The following CYP19A1 variants were observed in gnomAD, a reference collection of about 807,000 sequenced individuals.
CYP19A1 encodes the protein cytochrome P450 family 19 subfamily A member 1, also known as aromatase.
In CYP19A1, 32 loss-of-function variants were observed where a neutral mutation model predicts 44.4. That is an observed-to-expected ratio of 0.72 (90% CI 0.54 to 0.97). CYP19A1 has a LOEUF of 0.97. CYP19A1 is among the 50% of genes least tolerant of loss of function. The probability of loss-of-function intolerance (pLI) is 0.00; values close to 1 mark genes in which losing one functional copy is unlikely to be tolerated. For missense variants in CYP19A1, 598 were observed against 637.8 expected (o/e 0.94, Z 0.67); for synonymous variants, 212 against 215.6 (o/e 0.98, Z 0.14).
intron 1 of CYP19A1, among the ~76,000 whole-genome samples, chr15:51,337,406 G>A (rs1255200428): frequency 1.3e-5 from 2 of 152,196 alleles, no homozygotes; most frequent in African/African-American, 4.8e-5. Context: ...TTATACAAGT[G>A]CTTTACAAGT....
chr15:51,275,882 G>A (rs768768047), intron 1 of CYP19A1, among the ~76,000 whole-genome samples: 1 of 152,134 alleles, frequency 6.6e-6, no homozygotes, highest in Non-Finnish European at 1.5e-5. Flanking sequence ...CCTACAGCAG[G>A]ACTGCTTGAC....
Position 51,274,963 on chromosome 15 carries a change from C to T in CYP19A1, c.-38-32013G>A, listed in dbSNP as rs533446995. Among the ~76,000 whole-genome samples, 22 of 152,230 alleles carry T rather than the reference C, an allele frequency of 1.4e-4. No homozygotes were observed. In the South Asian group the frequency reaches 3.3e-3, roughly 23 times the overall value. ...CATCTCACCCCCACTCTCAGGCCTG[C>T]CCCAGCCACACCTGGGCTCTCCCTC... On this transcript the variant is annotated intron_variant, in intron 1 of 9. Transcript: ENST00000396402.
At chr15:51,297,184 C>T (rs1049894459) in intron 1 of CYP19A1, among the ~76,000 whole-genome samples, 1 of 152,120 alleles carries the variant, frequency 6.6e-6, no homozygotes, top group Non-Finnish European at 1.5e-5. Flanking sequence ...TTTATCTTGC[C>T]CACATTATTC....
intron 9 of CYP19A1, among the ~76,000 whole-genome samples, 172 bp from the exon 10 acceptor site, chr15:51,211,228 T>G (rs1410393651): frequency 2.6e-4 from 39 of 152,218 alleles, no homozygotes; most frequent in Admixed American, 2.6e-3. Context: ...TTCTATGTCC[T>G]ATTTCATTCA....
chr15:51,243,096 T>A (rs1239453088), intron 1 of CYP19A1, 146 bp from the exon 2 acceptor site: 1 of 649,300 alleles, frequency 1.5e-6, no homozygotes, highest in Non-Finnish European at 2.8e-6. Flanking sequence ...TAATTTATGG[T>A]TACAAGTCAA....
chr15:51,292,944 T>C (rs1410698852), intron 1 of CYP19A1, among the ~76,000 whole-genome samples: 1 of 151,770 alleles, frequency 6.6e-6, no homozygotes, highest in Non-Finnish European at 1.5e-5. Context: ...TGGGAGAATA[T>C]GGATTGAGTG....
intron 1 of CYP19A1, among the ~76,000 whole-genome samples, chr15:51,330,985 C>T (rs1158581303): frequency 6.6e-6 from 1 of 151,994 alleles, no homozygotes; most frequent in African/African-American, 2.4e-5. Flanking sequence ...GATGAGGAAG[C>T]GCAGATGAGG....
chr15:51,294,515 G>A (rs1180537518), intron 1 of CYP19A1, among the ~76,000 whole-genome samples: 2 of 149,952 alleles, frequency 1.3e-5, no homozygotes, highest in Admixed American at 6.6e-5. Flanking sequence ...CCCTCCGCCC[G>A]GCAGCCGCCC....
chr15:51,234,138 G>T (rs919050006), intron 3 of CYP19A1, among the ~76,000 whole-genome samples: 3 of 152,146 alleles, frequency 2.0e-5, no homozygotes, highest in Non-Finnish European at 4.4e-5. Flanking sequence ...GGTCCAATGG[G>T]GTCTTTTCAA....
chr15:51,302,435 G>C (rs1396597204), intron 1 of CYP19A1, among the ~76,000 whole-genome samples: 2 of 152,210 alleles, frequency 1.3e-5, no homozygotes, highest in African/African-American at 2.4e-5. Flanking sequence ...CCCTCAGAGG[G>C]CCCTTGTCAA....
At chr15:51,277,535 C>T (rs951668667) in intron 1 of CYP19A1, 10 of 152,208 alleles carry the variant, frequency 6.6e-5, no homozygotes, top group Non-Finnish European at 1.5e-4. Flanking sequence ...CTGGAATTGA[C>T]ATTGGATTAA....
chr15:51,286,637 A>G (rs2035707793), intron 1 of CYP19A1, among the ~76,000 whole-genome samples: 1 of 152,206 alleles, frequency 6.6e-6, no homozygotes, highest in African/African-American at 2.4e-5. Context: ...AGAAAAACGA[A>G]GACCCTTCCA....
chr15:51,236,970 T>C lies in CYP19A1; in HGVS notation c.185A>G (p.His62Arg), dbSNP rs779863386. 1.2e-6 allele frequency: 2 copies of C among 1,614,042 alleles called. No homozygotes were observed. The highest frequency in any genetic ancestry group is 1.3e-5 in the African/African-American group (1 of 74,916). ...GATCCCCATCCACAGGAATCTGCCG[T>C]GGGAGATGAGGGGTCCAATTCCCAT... ...YCMGIGPLIS[H>R]GRFLWMGIGS... is the part of the protein sequence containing the mutation. Residue 62 changes from histidine (H) to arginine (R), a missense_variant, in exon 3 of 10, where the codon CAC becomes CGC. Transcript: ENST00000396402.
intron 1 of CYP19A1, among the ~76,000 whole-genome samples, chr15:51,336,124 T>C (rs2036771390): frequency 6.6e-6 from 1 of 152,320 alleles, no homozygotes; most frequent in East Asian, 1.9e-4. Context: ...TCTTCAGTGA[T>C]ATGATCTCAA....
rs141139940 is a variant in CYP19A1 at position 51,229,858 on chromosome 15, G to A, written c.297-1925C>T. Among the ~76,000 whole-genome samples, 787 of 152,302 alleles carry A rather than the reference G, an allele frequency of 5.2e-3. 2 individuals are homozygous for A. Among genetic ancestry groups the A allele is most frequent in the Non-Finnish European group, 8.2e-3 (559 of 68,030 alleles). On this transcript the variant is annotated intron_variant, in intron 3 of 9. Coordinates refer to ENST00000396402, the MANE Select transcript of CYP19A1 (RefSeq NM_000103.4). Reference sequence around the variant, plus strand: ...TCTGACCCTGGGGCTTTTGCATACTGCATTAATCATATTGGCCTGTCCATT... The same window carrying A: ...TCTGACCCTGGGGCTTTTGCATACTACATTAATCATATTGGCCTGTCCATT...
chr15:51,327,498 T>A (rs890533643), intron 1 of CYP19A1, among the ~76,000 whole-genome samples: 3 of 152,182 alleles, frequency 2.0e-5, no homozygotes, highest in African/African-American at 7.2e-5. Flanking sequence ...TGTTCTTTTT[T>A]TTTTTTTTCC....
chr15:51,299,687 T>C (rs1363738748), intron 1 of CYP19A1, among the ~76,000 whole-genome samples: 1 of 152,244 alleles, frequency 6.6e-6, no homozygotes, highest in African/African-American at 2.4e-5. Context: ...AGGAATTTAA[T>C]GGCAGCTGAA....
intron 1 of CYP19A1, among the ~76,000 whole-genome samples, chr15:51,286,836 G>T (rs961293630): frequency 1.3e-5 from 2 of 152,210 alleles, no homozygotes; most frequent in African/African-American, 4.8e-5. Context: ...ATTGGCTGAA[G>T]TACAGGTGAG....
At chr15:51,291,251 C>T (rs2140987811) in intron 1 of CYP19A1, among the ~76,000 whole-genome samples, 1 of 152,190 alleles carries the variant, frequency 6.6e-6, no homozygotes, top group Non-Finnish European at 1.5e-5. Context: ...GGCAGAGACA[C>T]TGGTTGCATG....
Sources: allele counts gnomAD v4.1 joint callset (sites outside exome capture counted in the v4.1 genomes callset), GRCh38; gene constraint gnomAD v4.1.1; transcripts MANE v1.5; gene names NCBI Gene and HGNC (gene_info 2026-07-23, HGNC 2026-07-21).